Variants in LPO observed in about 807,000 individuals in gnomAD.
LPO encodes lactoperoxidase.
In LPO, 70 loss-of-function variants were observed where a neutral mutation model predicts 68.4. The ratio of observed to expected loss-of-function variants is 1.02; its 90% CI spans 0.84 to 1.25. LPO has a LOEUF of 1.25. Among genes scored for constraint, LPO ranks in the 50% most tolerant of loss-of-function variants. LPO has a pLI of 0.00. For missense variants in LPO, 873 were observed against 908.4 expected (o/e 0.96, Z 0.50); for synonymous variants, 360 against 357.6 (o/e 1.01, Z -0.08).
At position 58,249,297 on chromosome 17, in the gene LPO, G is replaced by A; in HGVS notation, c.443+120G>A. 5 of 960,838 alleles carry A rather than the reference G, an allele frequency of 5.2e-6. No individual in the cohort carries two copies. In the East Asian group the frequency reaches 7.9e-5, roughly 15 times the overall value. The allele number at this position is 960,838 out of a possible 1,614,324, so 59.5% of individuals were successfully genotyped here. A position where few individuals can be genotyped will look rare whatever the true frequency, so the allele number is the denominator to read the frequency against. On this transcript the variant is annotated intron_variant, in intron 5 of 12. Transcript: ENST00000262290. The stretch of plus-strand genomic sequence containing the variant: ...CACTGCCTTGCCCACCTGGGCTGGC[G>A]TTCCCACCTTCCCCACCTTCTCAAG...
At position 58,250,635 on chromosome 17, in the gene LPO, G is replaced by C; in HGVS notation, c.780+14G>C. On this transcript the variant is annotated intron_variant, in intron 7 of 12. Transcript: ENST00000262290. ...TTCCCCATCATGGTACGGCCCTGCA[G>C]CTAGGCATCTCTGACTAGCCCCTTG... 6.2e-7 allele frequency: 1 copy of C among 1,613,046 alleles called. No homozygotes were observed. The highest frequency in any genetic ancestry group is 8.5e-7 in the Non-Finnish European group (1 of 1,179,366).
In LPO at chr17:58,247,563, G is replaced by A. The variant is rs1969874787; in HGVS notation, c.250G>A (p.Ala84Thr). The A allele has an allele frequency of 1.9e-6, 3 of 1,614,190 alleles. No homozygotes were observed. The highest frequency in any genetic ancestry group is 2.2e-5 in the East Asian group (1 of 44,886). The part of the protein sequence containing the change: ...LKHAKGRTRT[A>T]IRNGQVWEES... The stretch of plus-strand genomic sequence containing the variant: ...GCATGCCAAAGGCCGGACGCGCACA[G>A]CCATCCGCAATGGACAGGTGTGGGA... Residue 84 changes from alanine to threonine, a missense_variant, in exon 4 of 13, where the codon GCC becomes ACC. By Grantham distance (58) the Ala-to-Thr change is moderately conservative. Coordinates refer to ENST00000262290, the MANE Select transcript of LPO (RefSeq NM_006151.3).
In LPO at chr17:58,268,347, G is replaced by A; in HGVS notation, c.*353G>A. ...CCTAGATTGTAAGCTCCCTGGGCCAGGACTTCAGCCTGCCTCCGAGGGTCC... is the reference window on the plus strand; with the variant it reads ...CCTAGATTGTAAGCTCCCTGGGCCAAGACTTCAGCCTGCCTCCGAGGGTCC... On this transcript the variant is annotated 3_prime_UTR_variant, in exon 13 of 13. Transcript: ENST00000262290. 4 of 293,720 alleles carry A rather than the reference G, an allele frequency of 1.4e-5. No individual in the cohort carries two copies. Among genetic ancestry groups the A allele is most frequent in the Admixed American group, 4.9e-5 (1 of 20,610 alleles). The allele number at this position is 293,720 out of a possible 1,614,324, so 18.2% of individuals were successfully genotyped here.
intron 2 of LPO, 85 bp from the exon 3 acceptor site, chr17:58,243,909 C>T (rs746317057): frequency 2.2e-6 from 2 of 902,520 alleles, no homozygotes; most frequent in Admixed American, 1.8e-5. Context: ...GGGTAATGGC[C>T]GAGAAAGAGG....
chr17:58,240,783 T>A (rs891917107), intron 1 of LPO, among the ~76,000 whole-genome samples: 1 of 152,226 alleles, frequency 6.6e-6, no homozygotes, highest in Non-Finnish European at 1.5e-5. Context: ...TCTCAGATGA[T>A]GTCTTTTTAA....
Position 58,249,575 on chromosome 17 carries a change from T to G in LPO, c.453T>G (p.Pro151=). The change falls in exon 6 of 13, where the codon CCT becomes CCG. Residue 151 remains proline (P), a synonymous_variant. Coordinates refer to ENST00000262290, the MANE Select transcript of LPO (RefSeq NM_006151.3). Reference sequence around the variant, plus strand: ...ATCGTGCTGGTTTCAGGAGGAAGCCTGCGCTGGGCGCCGCCAACAGGGCTC... The same window carrying G: ...ATCGTGCTGGTTTCAGGAGGAAGCCGGCGCTGGGCGCCGCCAACAGGGCTC... ...ITGDCNNRRK[P]ALGAANRALA... 1 of 1,603,956 alleles carries G rather than the reference T, an allele frequency of 6.2e-7. No individual in the cohort carries two copies. Among genetic ancestry groups the G allele is most frequent in the Non-Finnish European group, 8.5e-7 (1 of 1,179,208 alleles).
Position 58,249,706 on chromosome 17 carries a change from G to A in LPO, c.573+11G>A. 1 of 1,553,290 alleles carries A rather than the reference G, an allele frequency of 6.4e-7. No individual in the cohort carries two copies. On this transcript the variant is annotated intron_variant, in intron 6 of 12. Coordinates refer to ENST00000262290, the MANE Select transcript of LPO (RefSeq NM_006151.3). Reference sequence around the variant, plus strand: ...TTCCCTCTCCCGCTGGTGAGGGCAGGCCGGGCCGGGGTGAAGGATGGGAGC... The same window carrying A: ...TTCCCTCTCCCGCTGGTGAGGGCAGACCGGGCCGGGGTGAAGGATGGGAGC...
chr17:58,242,029 C>T (rs1256494937), intron 1 of LPO, among the ~76,000 whole-genome samples: 8 of 152,192 alleles, frequency 5.3e-5, no homozygotes, highest in Non-Finnish European at 1.2e-4. Flanking sequence ...CAGTGAACGC[C>T]GTGCTGCAGG....
intron 9 of LPO, among the ~76,000 whole-genome samples, chr17:58,260,216 G>T (rs1970152433): frequency 1.3e-5 from 2 of 152,130 alleles, no homozygotes; most frequent in Non-Finnish European, 2.9e-5. Flanking sequence ...TTTTTTATGT[G>T]TTGATTTTGT....
At chr17:58,254,787 C>T (rs1970037658) in intron 8 of LPO, 24 bp from the exon 9 acceptor site, 1 of 1,612,706 alleles carries the variant, frequency 6.2e-7, no homozygotes, top group Non-Finnish European at 8.5e-7. Flanking sequence ...GGAGAATCTA[C>T]CTTCCTGCCT....
chr17:58,255,056 C>T (rs1970046359), intron 9 of LPO, 85 bp downstream of exon 9: 1 of 1,439,612 alleles, frequency 6.9e-7, no homozygotes, highest in East Asian at 2.3e-5. Flanking sequence ...GTGCCTCAGG[C>T]TCTCTCCTCT....
At chr17:58,267,131 A>G (rs1970282410) in intron 11 of LPO, among the ~76,000 whole-genome samples, 1 of 152,240 alleles carries the variant, frequency 6.6e-6, no homozygotes, top group Non-Finnish European at 1.5e-5. Flanking sequence ...TACATACCAC[A>G]TAACTTTCAT....
Position 58,263,537 on chromosome 17 carries a change from A to G in LPO, c.1267-1185A>G, listed in dbSNP as rs540760459. Among the ~76,000 whole-genome samples the G allele has an allele frequency of 9.3e-4, 141 of 152,268 alleles. 1 individual carries two copies. Among genetic ancestry groups the G allele is most frequent in the African/African-American group, 2.9e-3 (120 of 41,552 alleles). The stretch of plus-strand genomic sequence containing the variant: ...GTGGATCACCTGAGGTCGGGAGTTC[A>G]AGACCAGCTTGGCTAACATGGTGAA... On this transcript the variant is annotated intron_variant, in intron 9 of 12. Transcript: ENST00000262290.
intron 2 of LPO, 125 bp from the exon 3 acceptor site, chr17:58,243,869 A>G (rs1969804021): frequency 6.0e-6 from 4 of 667,462 alleles, no homozygotes; most frequent in Non-Finnish European, 1.1e-5. Context: ...CCTAATCTTG[A>G]TCTCCTGCCT....
chr17:58,258,356 A>G lies in LPO; in HGVS notation c.1266+3385A>G, dbSNP rs188052360. Among the ~76,000 whole-genome samples the G allele has an allele frequency of 2.2e-3, 330 of 152,332 alleles. 2 individuals are homozygous for G. Among genetic ancestry groups the G allele is most frequent in the African/African-American group, 7.7e-3 (318 of 41,568 alleles). ...TAGGGGTCTAGTTTTATTCTCCGGC[A>G]TATGGATATCCAGTTTTCCCAGCAC... On this transcript the variant is annotated intron_variant, in intron 9 of 12. Coordinates refer to ENST00000262290, the MANE Select transcript of LPO (RefSeq NM_006151.3).
Position 58,268,150 on chromosome 17 carries a change from G to C in LPO, c.*156G>C, listed in dbSNP as rs953258314. 1.4e-5 allele frequency: 10 copies of C among 737,308 alleles called. No individual in the cohort carries two copies. The highest frequency in any genetic ancestry group is 1.8e-5 in the African/African-American group (1 of 56,286). The allele number at this position is 737,308 out of a possible 1,614,324, so 45.7% of individuals were successfully genotyped here. A position where few individuals can be genotyped will look rare whatever the true frequency, so the allele number is the denominator to read the frequency against. ...GGATGAACAGCTTGCTCAGGCCCCA[G>C]GGTGGCTGCCTCGGCCCTCCCAGCT... On this transcript the variant is annotated 3_prime_UTR_variant, in exon 13 of 13. Coordinates refer to ENST00000262290, the MANE Select transcript of LPO (RefSeq NM_006151.3).
In LPO at chr17:58,249,156, T is replaced by C; in HGVS notation, c.422T>C (p.Ile141Thr). The C allele has an allele frequency of 6.2e-7, 1 of 1,614,130 alleles. No individual in the cohort carries two copies. Among genetic ancestry groups the C allele is most frequent in the South Asian group, 1.1e-5 (1 of 91,088 alleles). ...GACCCGTGCAGCCCTTACCGCACCA[T>C]TACGGGAGACTGCAATAACAGGTGG... is the stretch of plus-strand genomic sequence containing the variant. ...RCDPCSPYRT[I>T]TGDCNNRRKP... The change falls in exon 5 of 13, where the codon ATT becomes ACT. Residue 141 changes from isoleucine (I) to threonine (T), a missense_variant. Physicochemically the swap from Ile to Thr is moderately conservative, Grantham distance 89. Transcript: ENST00000262290.
At chr17:58,266,830 G>C (rs1489045915) in intron 11 of LPO, among the ~76,000 whole-genome samples, 1 of 152,142 alleles carries the variant, frequency 6.6e-6, no homozygotes, top group East Asian at 1.9e-4. Flanking sequence ...AGAGAAAAGA[G>C]CATATATCTG....
chr17:58,266,463 T>C (rs1198474413), intron 11 of LPO, 137 bp downstream of exon 11: 2 of 1,023,258 alleles, frequency 2.0e-6, no homozygotes, highest in Non-Finnish European at 2.8e-6. Context: ...TTTTTTTTGT[T>C]TGAGGTTTTT....
Sources: gnomAD v4.1 joint callset for allele counts (sites outside exome capture counted in the v4.1 genomes callset) on GRCh38, gnomAD v4.1.1 for gene constraint, MANE v1.5 for transcripts, NCBI Gene and HGNC (gene_info 2026-07-23, HGNC 2026-07-21) for gene names.